The following PRSS2 variants were observed in gnomAD, a reference collection of about 807,000 sequenced individuals.
PRSS2 encodes the protein serine protease 2.
Under a neutral mutation model 19.2 loss-of-function variants are expected in PRSS2, and 19 were observed. The ratio of observed to expected loss-of-function variants is 0.99; its 90% confidence interval spans 0.69 to 1.45. The LOEUF is 1.45. Ranked by LOEUF, PRSS2 falls within the 40% of genes most tolerant of loss-of-function variation. PRSS2 has a pLI of 0.00. For synonymous variants in PRSS2, 107 were observed against 117.5 expected (o/e 0.91, Z 0.58); for missense variants, 288 against 294.4 (o/e 0.98, Z 0.16).
chr7:142,774,259 A>G, intron 4 of PRSS2, 97 bp from the exon 5 acceptor site: 1 of 1,062,236 alleles, frequency 9.4e-7, no homozygotes, highest in Non-Finnish European at 1.5e-6. Flanking sequence ...GGAGCCACAG[A>G]GCTGGCTGGA....
At chr7:142,771,128 T>C (rs1251880555) in intron 1 of PRSS2, 106 bp downstream of exon 1, 4 of 505,024 alleles carry the variant, frequency 7.9e-6, no homozygotes, top group African/African-American at 3.9e-5. Context: ...TGATATTCTA[T>C]TTCCTCCATC....
intron 2 of PRSS2, chr7:142,772,468 A>G (rs1800013373): frequency 1.4e-6 from 1 of 715,546 alleles, no homozygotes; most frequent in Non-Finnish European, 2.5e-6. Context: ...AGAGCTAGTG[A>G]GAAGAGCAGG....
chr7:142,771,936 T>TAG lies in PRSS2; in HGVS notation c.41-112_41-111dup, dbSNP rs1276016047. The TAG allele has an allele frequency of 3.0e-5, 46 of 1,515,992 alleles. No individual in the cohort carries two copies. The Middle Eastern group carries it at 5.9e-4, about 19-fold the overall frequency. 93.9% of individuals were successfully genotyped at this position (1,515,992 alleles called of 1,614,324 possible). ...GGCTGGCAGCGCTCCCCCCCTTGCC[T>TAG]AGCCTCACTGAGCTTGTTAAGGTTT... is the stretch of plus-strand genomic sequence containing the variant. On this transcript the variant is annotated intron_variant, in intron 1 of 4. Transcript: ENST00000539842.
At chr7:142,772,667 C>T (rs1800038606) in intron 2 of PRSS2, 1 of 604,344 alleles carries the variant, frequency 1.7e-6, no homozygotes, top group Non-Finnish European at 2.9e-6. Flanking sequence ...AGAACTGCTG[C>T]CTACACCAAG....
intron 2 of PRSS2, among the ~76,000 whole-genome samples, chr7:142,772,874 CA>C (rs1399170173): frequency 6.6e-6 from 1 of 152,164 alleles, no homozygotes; most frequent in African/African-American, 2.4e-5. Flanking sequence ...CTCACCAGGC[CA>C]AGAATGGAGG....
At chr7:142,774,285 G>T (rs962508539) in intron 4 of PRSS2, 71 bp from the exon 5 acceptor site, 14 of 1,054,220 alleles carry the variant, frequency 1.3e-5, no homozygotes, top group Admixed American at 1.7e-5. Flanking sequence ...CTCTTTTAAG[G>T]TTCAGAGCAA....
intron 3 of PRSS2, 106 bp from the exon 4 acceptor site, chr7:142,773,813 T>G: frequency 6.8e-7 from 1 of 1,474,092 alleles, no homozygotes; most frequent in South Asian, 1.2e-5. Flanking sequence ...TGTTTTGGAG[T>G]CCTCTCCAGG....
At position 142,772,335 on chromosome 7, in the gene PRSS2, G is replaced by A. The variant is rs372576167; in HGVS notation, c.200+127G>A. 3.2e-6 allele frequency: 3 copies of A among 943,380 alleles called. No homozygotes were observed. The South Asian group carries it at 4.0e-5, about 12-fold the overall frequency. The allele number at this position is 943,380 out of a possible 1,614,324, so 58.4% of individuals were successfully genotyped here. On this transcript the variant is annotated intron_variant, in intron 2 of 4. Coordinates refer to ENST00000539842, the MANE Select transcript of PRSS2 (RefSeq NM_002770.4). The stretch of plus-strand genomic sequence containing the variant: ...AGATGGTGGAAAAGAAAACTTGTTG[G>A]CAGCAGCTGACTCTCCAGAGCAGAG...
Position 142,774,517 on chromosome 7 carries a change from G to T in PRSS2, c.*9G>T. 3 of 1,607,926 alleles carry T rather than the reference G, an allele frequency of 1.9e-6. No individual in the cohort carries two copies. Among genetic ancestry groups the T allele is most frequent in the South Asian group, 1.1e-5 (1 of 90,896 alleles). On this transcript the variant is annotated 3_prime_UTR_variant, in exon 5 of 5. Coordinates refer to ENST00000539842, the MANE Select transcript of PRSS2 (RefSeq NM_002770.4). ...TAGCTGCCAACAGCTAAAGCCCCTGGTCCCTCTGCAGTCTCTATACCAATA... is the reference window on the plus strand; with the variant it reads ...TAGCTGCCAACAGCTAAAGCCCCTGTTCCCTCTGCAGTCTCTATACCAATA...
At position 142,774,426 on chromosome 7, in the gene PRSS2, C is replaced by T; in HGVS notation, c.662C>T (p.Ala221Val). ...QGIVSWGYGC[A>V]QKNRPGVYTK... Reference sequence around the variant, plus strand: ...ATTGTCTCCTGGGGCTATGGCTGTGCCCAGAAGAACAGGCCTGGAGTCTAC... The same window carrying T: ...ATTGTCTCCTGGGGCTATGGCTGTGTCCAGAAGAACAGGCCTGGAGTCTAC... The change falls in exon 5 of 5, where the codon GCC becomes GTC. Residue 221 changes from alanine to valine, a missense_variant. Physicochemically the swap from Ala to Val is moderately conservative, Grantham distance 64 (BLOSUM62 0). Coordinates refer to ENST00000539842, the MANE Select transcript of PRSS2 (RefSeq NM_002770.4). 3.1e-6 allele frequency: 5 copies of T among 1,598,954 alleles called. No individual in the cohort carries two copies. Among genetic ancestry groups the T allele is most frequent in the South Asian group, 2.2e-5 (2 of 90,446 alleles).
In PRSS2 at chr7:142,771,978, C is replaced by A. The variant is rs1442574724; in HGVS notation, c.41-71C>A. On this transcript the variant is annotated intron_variant, in intron 1 of 4. Coordinates refer to ENST00000539842, the MANE Select transcript of PRSS2 (RefSeq NM_002770.4). Reference sequence around the variant, plus strand: ...TTAAGGTTTTCTAATTAGCAGGAAGCAGCCACAGGCTGGGAGCGCCACCCC... The same window carrying A: ...TTAAGGTTTTCTAATTAGCAGGAAGAAGCCACAGGCTGGGAGCGCCACCCC... The A allele has an allele frequency of 3.7e-6, 6 of 1,608,252 alleles. No homozygotes were observed. In the East Asian group the frequency reaches 1.1e-4, roughly 30 times the overall value.
rs1490375547 is a variant in PRSS2 at position 142,774,473 on chromosome 7, G to A, written c.709G>A (p.Asp237Asn). The A allele has an allele frequency of 3.1e-6, 5 of 1,610,764 alleles. No homozygotes were observed. The African/African-American group carries it at 4.0e-5, about 13-fold the overall frequency. The change falls in exon 5 of 5, where the codon GAC becomes AAC. Residue 237 changes from aspartate (D) to asparagine (N), a missense_variant. Physicochemically the swap from Asp to Asn is conservative, Grantham distance 23 (BLOSUM62 1). Transcript: ENST00000539842. ...CTACACCAAGGTCTACAACTATGTGGACTGGATTAAGGACACCATAGCTGC... is the reference window on the plus strand; with the variant it reads ...CTACACCAAGGTCTACAACTATGTGAACTGGATTAAGGACACCATAGCTGC... ...GVYTKVYNYV[D>N]WIKDTIAANS is the part of the protein sequence containing the mutation.
At position 142,774,019 on chromosome 7, in the gene PRSS2, T is replaced by C. The variant is rs1554507085; in HGVS notation, c.555T>C (p.Cys185=). 1.2e-6 allele frequency: 2 copies of C among 1,604,846 alleles called. No individual in the cohort carries two copies. The highest frequency in any genetic ancestry group is 3.3e-5 in the Admixed American group (2 of 60,012). ...GAAAGATTACCAACAACATGTTCTG[T>C]GTGGGCTTCCTCGAGGGAGGCAAGG... ...YPGKITNNMF[C]VGFLEGGKDS... The change falls in exon 4 of 5, where the codon TGT becomes TGC. Residue 185 remains cysteine, a synonymous_variant. Coordinates refer to ENST00000539842, the MANE Select transcript of PRSS2 (RefSeq NM_002770.4).
chr7:142,771,453 G>C (rs1583110607), intron 1 of PRSS2, among the ~76,000 whole-genome samples: 1 of 152,238 alleles, frequency 6.6e-6, no homozygotes, highest in Non-Finnish European at 1.5e-5. Context: ...TGTGTTCTGG[G>C]CTTTTAAGCT....
chr7:142,774,481 T>G lies in PRSS2; in HGVS notation c.717T>G (p.Ile239Met). 1 of 1,610,922 alleles carries G rather than the reference T, an allele frequency of 6.2e-7. No individual in the cohort carries two copies. Among genetic ancestry groups the G allele is most frequent in the East Asian group, 2.2e-5 (1 of 44,854 alleles). ...YTKVYNYVDW[I>M]KDTIAANS ...AGGTCTACAACTATGTGGACTGGAT[T>G]AAGGACACCATAGCTGCCAACAGCT... Residue 239 changes from isoleucine (I) to methionine (M), a missense_variant, in exon 5 of 5, where the codon ATT becomes ATG. Physicochemically the swap from Ile to Met is conservative, Grantham distance 10 (BLOSUM62 1). Transcript: ENST00000539842.
chr7:142,772,454 G>T (rs961837403), intron 2 of PRSS2: 40 of 734,892 alleles, frequency 5.4e-5, no homozygotes, highest in Non-Finnish European at 9.4e-5. Context: ...ATCTTGGGGT[G>T]GTGAGAGCTA....
In PRSS2 at chr7:142,773,919, C is replaced by G. The variant is rs748315577; in HGVS notation, c.455C>G (p.Ala152Gly). The stretch of plus-strand genomic sequence containing the variant: ...TTTGTTCTCTTCCTGATCCTCACAG[C>G]CGACTACCCAGACGAGCTGCAGTGC... The part of the protein sequence containing the change: ...SGWGNTLSSG[A>G]DYPDELQCLD... The change falls in exon 4 of 5, where the codon GCC becomes GGC. Residue 152 changes from alanine (A) to glycine (G), a missense_variant and splice_region_variant. Transcript: ENST00000539842. 1 of 1,612,596 alleles carries G rather than the reference C, an allele frequency of 6.2e-7. No homozygotes were observed. Among genetic ancestry groups the G allele is most frequent in the Non-Finnish European group, 8.5e-7 (1 of 1,178,590 alleles).
At chr7:142,773,131 A>T in intron 2 of PRSS2, 135 bp from the exon 3 acceptor site, 1 of 1,513,754 alleles carries the variant, frequency 6.6e-7, no homozygotes, top group Non-Finnish European at 9.0e-7. Context: ...TCTCCTGCCC[A>T]TGCAATATGG....
At chr7:142,772,591 G>A (rs1307359505) in intron 2 of PRSS2, 21 of 679,370 alleles carry the variant, frequency 3.1e-5, no homozygotes, top group Non-Finnish European at 2.1e-5. Flanking sequence ...TCAGGAAGAG[G>A]GTGTGAATAT....
Sources: allele counts gnomAD v4.1 joint callset (sites outside exome capture counted in the v4.1 genomes callset), GRCh38; gene constraint gnomAD v4.1.1; transcripts MANE v1.5; gene names NCBI Gene and HGNC (gene_info 2026-07-23, HGNC 2026-07-21).